Variants in GRID1 observed in about 807,000 individuals in gnomAD.
The protein encoded by GRID1 is glutamate ionotropic receptor delta type subunit 1, also known as glutamate receptor ionotropic, delta-1.
A neutral mutation model predicts 98.0 loss-of-function variants in GRID1; 28 were observed. The ratio of observed to expected loss-of-function variants is 0.29; its 90% CI spans 0.21 to 0.39. The LOEUF (loss-of-function observed/expected upper bound fraction) is 0.39. GRID1 is among the 10% of genes least tolerant of loss of function. GRID1 has a pLI of 1.00. For missense variants in GRID1, 1,111 were observed against 1,340.5 expected (o/e 0.83, Z 2.67); for synonymous variants, 553 against 538.5 (o/e 1.03, Z -0.37).
chr10:86,180,763 G>A (rs547993930), intron 3 of GRID1, among the ~76,000 whole-genome samples: 6 of 152,118 alleles, frequency 3.9e-5, no homozygotes, highest in South Asian at 2.1e-4. Flanking sequence ...CACCACCTGC[G>A]GCCAGGCCCG....
intron 12 of GRID1, among the ~76,000 whole-genome samples, chr10:85,677,192 C>A (rs1590186064): frequency 6.6e-6 from 1 of 152,154 alleles, no homozygotes; most frequent in African/African-American, 2.4e-5. Context: ...TCTCAAGGGC[C>A]AAACTATTCA....
chr10:86,272,949 A>T (rs1847207652), intron 2 of GRID1, among the ~76,000 whole-genome samples: 1 of 152,162 alleles, frequency 6.6e-6, no homozygotes, highest in African/African-American at 2.4e-5. Context: ...TTTAGGGTAC[A>T]TGTGCACAAT....
intron 13 of GRID1, among the ~76,000 whole-genome samples, chr10:85,622,305 C>T (rs779553037): frequency 2.0e-5 from 3 of 151,350 alleles, no homozygotes; most frequent in Non-Finnish European, 3.0e-5. Context: ...GAAGGAAGTC[C>T]GGAGGAGACA....
intron 12 of GRID1, among the ~76,000 whole-genome samples, chr10:85,695,766 C>G (rs1430101742): frequency 1.3e-5 from 2 of 152,038 alleles, no homozygotes; most frequent in African/African-American, 2.4e-5. Context: ...CCAAAACCAA[C>G]CAACCAAACA....
chr10:86,241,420 AG>A (rs1275208965), intron 2 of GRID1, among the ~76,000 whole-genome samples: 1 of 152,200 alleles, frequency 6.6e-6, no homozygotes, highest in Non-Finnish European at 1.5e-5. Flanking sequence ...GGCCCCCTAC[AG>A]CCGCAGGCTG....
chr10:85,602,822 T>A (rs60453921), intron 15 of GRID1, 121 bp from the exon 16 acceptor site: 108,011 of 671,636 alleles, frequency 0.16, 10,225 homozygotes, highest in African/African-American at 0.31. Flanking sequence ...TGGGCGAGTA[T>A]CCCTTTCATG....
chr10:86,220,027 GAGA>G (rs1324294918), intron 2 of GRID1, among the ~76,000 whole-genome samples: 1 of 152,254 alleles, frequency 6.6e-6, no homozygotes, highest in Non-Finnish European at 1.5e-5. Context: ...GGGAAGGGCA[GAGA>G]AGAACAAGTC....
chr10:85,983,283 C>G (rs1842568070), intron 4 of GRID1, among the ~76,000 whole-genome samples: 1 of 152,318 alleles, frequency 6.6e-6, no homozygotes, highest in East Asian at 1.9e-4. Context: ...GTAGTCCAAC[C>G]AGAAAAGCTG....
chr10:86,323,440 A>C (rs1002378797), intron 2 of GRID1, among the ~76,000 whole-genome samples: 8 of 152,260 alleles, frequency 5.3e-5, no homozygotes, highest in Non-Finnish European at 4.4e-5. Context: ...CAATATCTCC[A>C]AAGAGCTTAG....
intron 8 of GRID1, among the ~76,000 whole-genome samples, chr10:85,835,494 C>G (rs1176750411): frequency 6.6e-6 from 1 of 152,222 alleles, no homozygotes; most frequent in Non-Finnish European, 1.5e-5. Flanking sequence ...CCTGCACAAT[C>G]TCCCTTGCTG....
chr10:85,984,120 C>T (rs1842579270), intron 4 of GRID1, among the ~76,000 whole-genome samples: 4 of 152,058 alleles, frequency 2.6e-5, no homozygotes, highest in Admixed American at 2.0e-4. Flanking sequence ...CTCCTCACCT[C>T]TCCCTGCACC....
chr10:86,133,546 A>G (rs889016804), intron 4 of GRID1, among the ~76,000 whole-genome samples: 1 of 152,210 alleles, frequency 6.6e-6, no homozygotes, highest in African/African-American at 2.4e-5. Flanking sequence ...CCTTCCCACT[A>G]GCCAAAGTTT....
chr10:85,793,659 AG>A (rs1181138355), intron 8 of GRID1, among the ~76,000 whole-genome samples: 9 of 152,324 alleles, frequency 5.9e-5, no homozygotes, highest in Admixed American at 1.3e-4. Flanking sequence ...AACATTTACA[AG>A]GTACGGCACA....
chr10:85,603,545 C>A (rs943038452), intron 15 of GRID1, among the ~76,000 whole-genome samples: 1 of 152,162 alleles, frequency 6.6e-6, no homozygotes, highest in African/African-American at 2.4e-5. Flanking sequence ...AATATTGTTC[C>A]TTTCAAATAA....
rs75144531 is a variant in GRID1, at chr10:86,296,784, C to T, written c.235+67157G>A. Among the ~76,000 whole-genome samples, 6 of 150,722 alleles carry T rather than the reference C, an allele frequency of 4.0e-5. No homozygotes were observed. In the South Asian group the frequency reaches 8.5e-4, roughly 21 times the overall value. On this transcript the variant is annotated intron_variant, in intron 2 of 15. Transcript: ENST00000327946. ...ATACATACATACATGCATACATACACACATACATACATACATACATACATA... is the reference window on the plus strand; with the variant it reads ...ATACATACATACATGCATACATACATACATACATACATACATACATACATA...
intron 8 of GRID1, among the ~76,000 whole-genome samples, chr10:85,747,522 C>G (rs1170708200): frequency 1.3e-5 from 2 of 152,140 alleles, no homozygotes; most frequent in African/African-American, 2.4e-5. Flanking sequence ...GCTCAGGCCT[C>G]CTTCCTCCTG....
intron 3 of GRID1, among the ~76,000 whole-genome samples, chr10:86,152,928 T>C (rs1241604900): frequency 6.6e-6 from 1 of 152,262 alleles, no homozygotes; most frequent in African/African-American, 2.4e-5. Flanking sequence ...TTAATTTACA[T>C]AATTACTTTC....
At chr10:86,341,625 C>T (rs1848312342) in intron 2 of GRID1, among the ~76,000 whole-genome samples, 1 of 152,184 alleles carries the variant, frequency 6.6e-6, no homozygotes, top group South Asian at 2.1e-4. Context: ...GAACATGTCA[C>T]AAAACCACGG....
At chr10:85,881,957 G>T (rs1462816065) in intron 5 of GRID1, among the ~76,000 whole-genome samples, 1 of 152,046 alleles carries the variant, frequency 6.6e-6, no homozygotes, top group Non-Finnish European at 1.5e-5. Flanking sequence ...TCAAAAAGTG[G>T]GCAAAGGATA....
Sources: allele counts gnomAD v4.1 joint callset (sites outside exome capture counted in the v4.1 genomes callset), GRCh38; gene constraint gnomAD v4.1.1; transcripts MANE v1.5; gene names NCBI Gene and HGNC (gene_info 2026-07-23, HGNC 2026-07-21).